Variants in NXPH1 observed in about 807,000 individuals in gnomAD.
The protein encoded by NXPH1 is neurexophilin 1.
In NXPH1, 5 loss-of-function variants were observed where a neutral mutation model predicts 23.7. The ratio of observed to expected loss-of-function variants is 0.21; its 90% CI spans 0.11 to 0.44. The LOEUF is 0.44. Ranked by LOEUF, NXPH1 falls within the 20% of genes least tolerant of loss-of-function variation. NXPH1 has a pLI of 0.99. For missense variants in NXPH1, 324 were observed against 321.6 expected (o/e 1.01, Z -0.06); for synonymous variants, 144 against 122.2 (o/e 1.18, Z -1.18).
At chr7:8,670,836 G>C (rs565688004) in intron 2 of NXPH1, among the ~76,000 whole-genome samples, 1 of 152,172 alleles carries the variant, frequency 6.6e-6, no homozygotes, top group Non-Finnish European at 1.5e-5. Context: ...TCAAGGATTT[G>C]TGGTCTGGAA....
chr7:8,457,682 C>G (rs1464499002), intron 2 of NXPH1, among the ~76,000 whole-genome samples: 5 of 151,944 alleles, frequency 3.3e-5, no homozygotes, highest in Non-Finnish European at 5.9e-5. Context: ...TCAGCATTCT[C>G]CTTGACTGGA....
chr7:8,638,570 T>A (rs1350133360), intron 2 of NXPH1, among the ~76,000 whole-genome samples: 1 of 152,182 alleles, frequency 6.6e-6, no homozygotes, highest in Non-Finnish European at 1.5e-5. Context: ...AAGGATTGAT[T>A]GTTGTATTTT....
At chr7:8,685,220 T>C (rs1241952105) in intron 2 of NXPH1, among the ~76,000 whole-genome samples, 2 of 151,886 alleles carry the variant, frequency 1.3e-5, no homozygotes, top group Admixed American at 1.3e-4. Context: ...TTTGATTTAA[T>C]AGGTTATAAT....
intron 2 of NXPH1, among the ~76,000 whole-genome samples, chr7:8,654,187 T>C (rs986873160): frequency 2.0e-5 from 3 of 152,196 alleles, no homozygotes; most frequent in Non-Finnish European, 2.9e-5. Context: ...TCAGAATTAG[T>C]GTTGAAACTT....
chr7:8,684,729 T>C (rs1821118890), intron 2 of NXPH1, among the ~76,000 whole-genome samples: 1 of 152,216 alleles, frequency 6.6e-6, no homozygotes, highest in Non-Finnish European at 1.5e-5. Context: ...TCAAGTCATT[T>C]CCTTCAGTGT....
intron 2 of NXPH1, among the ~76,000 whole-genome samples, chr7:8,631,652 A>C (rs766032856): frequency 1.3e-5 from 2 of 152,208 alleles, no homozygotes; most frequent in Non-Finnish European, 2.9e-5. Context: ...TAGTATGTCC[A>C]CGAAATGACC....
At position 8,643,304 on chromosome 7, in the gene NXPH1, TATAC is replaced by T. The variant is rs1332333103; in HGVS notation, c.55-107701_55-107698del. Among the ~76,000 whole-genome samples the T allele has an allele frequency of 3.3e-5, 5 of 152,322 alleles. No individual in the cohort carries two copies. In the East Asian group the frequency reaches 7.7e-4, roughly 23 times the overall value. On this transcript the variant is annotated intron_variant, in intron 2 of 2. Coordinates refer to ENST00000405863, the MANE Select transcript of NXPH1 (RefSeq NM_152745.3). ...ATATGTATATGTACATATATATTCTTATACATGTGTAATTTTGCATTCTTTGGAA... is the reference window on the plus strand; with the variant it reads ...ATATGTATATGTACATATATATTCTTATGTGTAATTTTGCATTCTTTGGAA...
chr7:8,520,141 G>A (rs907263255), intron 2 of NXPH1, among the ~76,000 whole-genome samples: 3 of 152,050 alleles, frequency 2.0e-5, no homozygotes, highest in African/African-American at 4.8e-5. Context: ...CATGTGTCAC[G>A]AGAATCTGGA....
In NXPH1 at chr7:8,741,917, A is replaced by G. The variant is rs532749735; in HGVS notation, c.55-9091A>G. Among the ~76,000 whole-genome samples the G allele has an allele frequency of 6.6e-5, 10 of 152,148 alleles. No individual in the cohort carries two copies. The South Asian group carries it at 2.1e-3, about 32-fold the overall frequency. ...GATACACATGGCATAAAATAGAAAG[A>G]ACATCTTTCAAATATTCTTAAGACT... On this transcript the variant is annotated intron_variant, in intron 2 of 2. Coordinates refer to ENST00000405863, the MANE Select transcript of NXPH1 (RefSeq NM_152745.3).
At chr7:8,450,375 A>G (rs1816484347) in intron 2 of NXPH1, among the ~76,000 whole-genome samples, 1 of 152,282 alleles carries the variant, frequency 6.6e-6, no homozygotes, top group Non-Finnish European at 1.5e-5. Context: ...GAAACTTCAA[A>G]TCTGCTTAGT....
intron 2 of NXPH1, among the ~76,000 whole-genome samples, chr7:8,670,469 TACTA>T (rs1161277688): frequency 3.3e-5 from 5 of 152,358 alleles, no homozygotes; most frequent in Non-Finnish European, 5.9e-5. Flanking sequence ...GATTTAATGG[TACTA>T]ACTATTGTCT....
chr7:8,627,906 G>A (rs1820028009), intron 2 of NXPH1, among the ~76,000 whole-genome samples: 1 of 152,100 alleles, frequency 6.6e-6, no homozygotes, highest in East Asian at 1.9e-4. Flanking sequence ...TAGAAAAAAA[G>A]AAGCACTTTG....
chr7:8,460,452 T>G (rs1816673549), intron 2 of NXPH1, among the ~76,000 whole-genome samples: 1 of 152,140 alleles, frequency 6.6e-6, no homozygotes, highest in Non-Finnish European at 1.5e-5. Context: ...AATTCAGGGG[T>G]TTGAGCCTTG....
intron 2 of NXPH1, among the ~76,000 whole-genome samples, chr7:8,533,220 G>T (rs916294329): frequency 3.3e-5 from 5 of 152,100 alleles, no homozygotes. Context: ...TTCAGCTATA[G>T]ATCACCTATC....
intron 2 of NXPH1, among the ~76,000 whole-genome samples, chr7:8,681,921 C>T (rs1393767345): frequency 6.6e-6 from 1 of 152,146 alleles, no homozygotes; most frequent in Non-Finnish European, 1.5e-5. Flanking sequence ...GAGCTTTGCC[C>T]CTTTTCTAGA....
intron 2 of NXPH1, among the ~76,000 whole-genome samples, chr7:8,745,137 A>G (rs925170723): frequency 8.5e-5 from 13 of 152,144 alleles, no homozygotes; most frequent in African/African-American, 2.9e-4. Flanking sequence ...AAGCTCTTCT[A>G]TTTCTCCTCT....
intron 2 of NXPH1, among the ~76,000 whole-genome samples, chr7:8,641,733 A>G (rs1820316516): frequency 6.6e-6 from 1 of 152,082 alleles, no homozygotes; most frequent in Admixed American, 6.6e-5. Flanking sequence ...ATCTCATTTT[A>G]TTCAGGCACA....
intron 2 of NXPH1, among the ~76,000 whole-genome samples, chr7:8,468,358 G>A (rs1816817709): frequency 6.6e-6 from 1 of 152,062 alleles, no homozygotes; most frequent in Non-Finnish European, 1.5e-5. Context: ...GAAATTTAAA[G>A]CCTATTCACA....
At position 8,562,513 on chromosome 7, in the gene NXPH1, G is replaced by GT. The variant is rs5882173; in HGVS notation, c.54+126758dup. Among the ~76,000 whole-genome samples the GT allele has an allele frequency of 5.4e-3, 778 of 144,910 alleles. 4 individuals are homozygous for GT. Among genetic ancestry groups the GT allele is most frequent in the South Asian group, 0.017 (78 of 4,618 alleles). On this transcript the variant is annotated intron_variant, in intron 2 of 2. Transcript: ENST00000405863. ...TTCAGCCCTGGTGATAATGAAATGA[G>GT]TTTTTTTTTTTTGTTCTTTTCTTTT...
Sources: gnomAD v4.1 joint callset for allele counts (sites outside exome capture counted in the v4.1 genomes callset) on GRCh38, gnomAD v4.1.1 for gene constraint, MANE v1.5 for transcripts, NCBI Gene and HGNC (gene_info 2026-07-23, HGNC 2026-07-21) for gene names.